MACROD2: variants seen among roughly 807,000 people sequenced by gnomAD.
MACROD2 encodes mono-ADP ribosylhydrolase 2.
In MACROD2, 36 loss-of-function variants were observed where a neutral mutation model predicts 70.4. That is an observed-to-expected ratio of 0.51 (90% CI 0.39 to 0.68). The LOEUF (loss-of-function observed/expected upper bound fraction) is 0.68. MACROD2 is among the 30% of genes least tolerant of loss of function. The pLI, the probability that MACROD2 is intolerant of heterozygous loss-of-function variation, is 0.00. For missense variants in MACROD2, 496 were observed against 538.4 expected, an observed-to-expected ratio of 0.92 and a Z score of 0.78; for synonymous variants, 172 against 178.8, an observed-to-expected ratio of 0.96 and a Z score of 0.30.
At chr20:15,157,349 ACCC>A (rs71870874) in intron 5 of MACROD2, among the ~76,000 whole-genome samples, 1 of 109,400 alleles carries the variant, frequency 9.1e-6, no homozygotes, top group African/African-American at 3.5e-5. Context: ...CTAATTAACC[ACCC>A]CCCCCCACCT....
intron 4 of MACROD2, among the ~76,000 whole-genome samples, chr20:14,530,190 C>T (rs928298920): frequency 6.6e-6 from 1 of 152,106 alleles, no homozygotes; most frequent in Non-Finnish European, 1.5e-5. Context: ...GTGTTAATGT[C>T]CCCAGGGCCC....
intron 5 of MACROD2, among the ~76,000 whole-genome samples, chr20:14,933,120 ACAT>A (rs969619848): frequency 6.6e-5 from 10 of 152,084 alleles, no homozygotes; most frequent in Non-Finnish European, 1.3e-4. Context: ...AGGGTTGTCA[ACAT>A]CATGCTTCAT....
chr20:15,448,837 G>C (rs956233943), intron 7 of MACROD2, among the ~76,000 whole-genome samples: 1 of 152,066 alleles, frequency 6.6e-6, no homozygotes, highest in African/African-American at 2.4e-5. Context: ...AACCAAATAA[G>C]TGTTTTGTCT....
At chr20:14,581,060 G>A (rs990641160) in intron 4 of MACROD2, among the ~76,000 whole-genome samples, 1 of 152,144 alleles carries the variant, frequency 6.6e-6, no homozygotes, top group African/African-American at 2.4e-5. Context: ...GATGTCGTGA[G>A]TGCCATATAT....
rs575333458 is a variant in MACROD2 at position 15,783,130 on chromosome 20, TTGAC to T, written c.646-79609_646-79606del. Among the ~76,000 whole-genome samples the T allele has an allele frequency of 3.9e-5, 6 of 152,298 alleles. No homozygotes were observed. In the South Asian group the frequency reaches 1.0e-3, roughly 26 times the overall value. On this transcript the variant is annotated intron_variant, in intron 8 of 17. Transcript: ENST00000684519. ...CCTGTATGTGGCTTGTTTATTTTTC[TTGAC>T]TGACTATTGAGGATGACAAGTCTAT...
At chr20:15,031,875 G>A (rs571190441) in intron 5 of MACROD2, among the ~76,000 whole-genome samples, 1 of 152,216 alleles carries the variant, frequency 6.6e-6, no homozygotes, top group East Asian at 1.9e-4. Context: ...AGGGACTCGC[G>A]CCTTTCTCCC....
intron 5 of MACROD2, among the ~76,000 whole-genome samples, chr20:14,851,187 G>A (rs1415478426): frequency 6.6e-6 from 1 of 152,072 alleles, no homozygotes; most frequent in African/African-American, 2.4e-5. Flanking sequence ...GACTACACAG[G>A]TGAGTTTTTT....
intron 7 of MACROD2, among the ~76,000 whole-genome samples, chr20:15,458,479 G>GTT (rs1332471583): frequency 3.3e-5 from 5 of 152,024 alleles, no homozygotes; most frequent in Admixed American, 1.3e-4. Context: ...AAAAGCTGGA[G>GTT]TTAACACTCC....
chr20:16,002,890 C>A (rs540595128), intron 15 of MACROD2, among the ~76,000 whole-genome samples: 1 of 152,298 alleles, frequency 6.6e-6, no homozygotes, highest in African/African-American at 2.4e-5. Flanking sequence ...CCACTGTCTT[C>A]TTTTGGGTGG....
intron 3 of MACROD2, among the ~76,000 whole-genome samples, chr20:14,100,358 T>G (rs188004284): frequency 6.6e-6 from 1 of 151,640 alleles, no homozygotes; most frequent in South Asian, 2.1e-4. Flanking sequence ...AGGTTGATAT[T>G]AATAGTTTGC....
At chr20:15,970,971 G>A (rs557335245) in intron 13 of MACROD2, among the ~76,000 whole-genome samples, 1 of 152,188 alleles carries the variant, frequency 6.6e-6, no homozygotes, top group South Asian at 2.1e-4. Flanking sequence ...GAATATTTCT[G>A]AGTAACTTAA....
In MACROD2 at chr20:15,070,911, G is replaced by GAA. The variant is rs34723701; in HGVS notation, c.419-159017_419-159016dup. ...ATACCTTTGTTTTGTTTTGTTTTTG[G>GAA]AAAAAAAAAAAAACCCAAAAAAGTC... On this transcript the variant is annotated intron_variant, in intron 5 of 17. Coordinates refer to ENST00000684519, the MANE Select transcript of MACROD2 (RefSeq NM_001351661.2). Among the ~76,000 whole-genome samples, 53 of 127,874 alleles carry GAA rather than the reference G, an allele frequency of 4.1e-4. 1 individual carries two copies. Among genetic ancestry groups the GAA allele is most frequent in the Non-Finnish European group, 7.5e-4 (44 of 58,834 alleles). 83.9% of individuals were successfully genotyped at this position (127,874 alleles called of 152,430 possible).
chr20:14,142,982 A>G (rs2148706659), intron 3 of MACROD2, among the ~76,000 whole-genome samples: 1 of 152,306 alleles, frequency 6.6e-6, no homozygotes, highest in South Asian at 2.1e-4. Context: ...CACGAAATAT[A>G]ATAGGGCAGC....
chr20:15,772,683 CCTT>C (rs2051656075), intron 8 of MACROD2, among the ~76,000 whole-genome samples: 1 of 152,058 alleles, frequency 6.6e-6, no homozygotes, highest in African/African-American at 2.4e-5. Context: ...GAAGCAAGGA[CCTT>C]CTTCACATGG....
At position 15,951,353 on chromosome 20, in the gene MACROD2, AGAG is replaced by A. The variant is rs1356215779; in HGVS notation, c.907+13810_907+13812del. On this transcript the variant is annotated intron_variant, in intron 12 of 17. Coordinates refer to ENST00000684519, the MANE Select transcript of MACROD2 (RefSeq NM_001351661.2). Reference sequence around the variant, plus strand: ...CACACACACACACACACACACACAAAGAGAGAGAGAGAGAGAAAGAGCACAGGG... The same window carrying A: ...CACACACACACACACACACACACAAAAGAGAGAGAGAGAAAGAGCACAGGG... Among the ~76,000 whole-genome samples the A allele has an allele frequency of 1.1e-4, 17 of 149,098 alleles. 1 individual carries two copies. The highest frequency in any genetic ancestry group is 2.7e-4 in the Admixed American group (4 of 14,870).
intron 8 of MACROD2, among the ~76,000 whole-genome samples, chr20:15,824,495 G>C (rs1349050132): frequency 2.6e-5 from 4 of 152,048 alleles, no homozygotes; most frequent in African/African-American, 9.7e-5. Flanking sequence ...TTAGAAGGCG[G>C]GAAAGCAAAG....
At chr20:14,150,578 G>T (rs2055005064) in intron 3 of MACROD2, among the ~76,000 whole-genome samples, 1 of 152,140 alleles carries the variant, frequency 6.6e-6, no homozygotes. Flanking sequence ...AGGAAGAAGG[G>T]ATTGATTATC....
At chr20:14,424,456 A>T (rs541303490) in intron 3 of MACROD2, among the ~76,000 whole-genome samples, 49 of 152,268 alleles carry the variant, frequency 3.2e-4, no homozygotes, top group African/African-American at 1.2e-3. Flanking sequence ...CTCTGTCCAC[A>T]TTTTTAGAGT....
chr20:15,720,389 T>C (rs1052580263), intron 8 of MACROD2, among the ~76,000 whole-genome samples: 1 of 152,218 alleles, frequency 6.6e-6, no homozygotes, highest in Non-Finnish European at 1.5e-5. Flanking sequence ...TTTCCCATAA[T>C]GGCTATATAC....
Sources: allele counts gnomAD v4.1 joint callset (sites outside exome capture counted in the v4.1 genomes callset), GRCh38; gene constraint gnomAD v4.1.1; transcripts MANE v1.5; gene names NCBI Gene and HGNC (gene_info 2026-07-23, HGNC 2026-07-21).